Variants in TRDN observed in about 807,000 individuals in gnomAD.
TRDN encodes the protein triadin in skeletal muscle.
In TRDN, 161 loss-of-function variants were observed where a neutral mutation model predicts 149.7. The ratio of observed to expected loss-of-function variants is 1.08; its 90% confidence interval spans 0.95 to 1.23. TRDN has a LOEUF of 1.23. Among genes scored for constraint, TRDN ranks in the 50% most tolerant of loss-of-function variants. The probability of loss-of-function intolerance (pLI) is 0.00; values close to 1 mark genes in which losing one functional copy is unlikely to be tolerated. For synonymous variants in TRDN, 294 were observed against 250.5 expected, an observed-to-expected ratio of 1.17 and a Z score of -1.64; for missense variants, 896 against 823.5, an observed-to-expected ratio of 1.09 and a Z score of -1.08.
intron 8 of TRDN, chr6:123,501,770 C>A: frequency 1.3e-6 from 1 of 782,034 alleles, no homozygotes; most frequent in South Asian, 5.8e-5. Context: ...ATTTGAATGT[C>A]CTTTTAATAG....
rs1431875046 is a variant in TRDN, at chr6:123,558,112, C to G, written c.233-9500G>C. Among the ~76,000 whole-genome samples, 5 of 152,222 alleles carry G rather than the reference C, an allele frequency of 3.3e-5. No individual in the cohort carries two copies. The East Asian group carries it at 9.7e-4, about 30-fold the overall frequency. ...CAAACGGTCTGAGGTGCCTGACGTC[C>G]AGGCATTCTTTTACACATCGGTCCC... On this transcript the variant is annotated intron_variant, in intron 2 of 40. Coordinates refer to ENST00000334268, the MANE Select transcript of TRDN (RefSeq NM_006073.4).
At chr6:123,322,049 AC>A (rs1389034964) in intron 23 of TRDN, among the ~76,000 whole-genome samples, 1 of 152,120 alleles carries the variant, frequency 6.6e-6, no homozygotes, top group African/African-American at 2.4e-5. Context: ...TATTTTACTG[AC>A]TGTTTAACAT....
chr6:123,423,448 T>C (rs1353601853), intron 12 of TRDN, among the ~76,000 whole-genome samples: 2 of 152,142 alleles, frequency 1.3e-5, no homozygotes, highest in Non-Finnish European at 2.9e-5. Flanking sequence ...TTTCCTCCTA[T>C]AAGAAGTCGT....
intron 1 of TRDN, among the ~76,000 whole-genome samples, chr6:123,605,597 C>CAAAAAAAAA (rs35881822): frequency 1.6e-4 from 20 of 123,946 alleles, no homozygotes; most frequent in Non-Finnish European, 2.1e-4. Flanking sequence ...ACCCTCTCTA[C>CAAAAAAAAA]AAAAAAAAAA....
chr6:123,226,300 AC>A (rs1449604990), intron 38 of TRDN, among the ~76,000 whole-genome samples: 1 of 151,888 alleles, frequency 6.6e-6, no homozygotes, highest in Non-Finnish European at 1.5e-5. Flanking sequence ...CAGTTCCTAA[AC>A]AAATCAAATA....
At chr6:123,592,159 C>T (rs889498217) in intron 1 of TRDN, among the ~76,000 whole-genome samples, 2 of 152,164 alleles carry the variant, frequency 1.3e-5, no homozygotes, top group Admixed American at 1.3e-4. Context: ...CACTCATTGG[C>T]AACTAATAAA....
chr6:123,236,540 A>G (rs1775794888), intron 38 of TRDN, among the ~76,000 whole-genome samples: 1 of 152,138 alleles, frequency 6.6e-6, no homozygotes, highest in African/African-American at 2.4e-5. Context: ...TAGGTCTCAA[A>G]GATGTTTTCT....
chr6:123,584,396 C>T (rs202141676), intron 1 of TRDN, among the ~76,000 whole-genome samples: 3 of 112,162 alleles, frequency 2.7e-5, no homozygotes, highest in Non-Finnish European at 6.2e-5. Context: ...AGACATGATG[C>T]CTAGGCTAAA....
intron 24 of TRDN, among the ~76,000 whole-genome samples, chr6:123,303,689 G>T (rs887988158): frequency 6.6e-6 from 1 of 152,094 alleles, no homozygotes; most frequent in Non-Finnish European, 1.5e-5. Context: ...GTCTGTGTGG[G>T]CTTCTGGTGA....
At chr6:123,254,023 T>A (rs1776467126) in intron 37 of TRDN, among the ~76,000 whole-genome samples, 1 of 152,104 alleles carries the variant, frequency 6.6e-6, no homozygotes, top group East Asian at 1.9e-4. Context: ...TCTTGAGATG[T>A]TAGATTTTCT....
chr6:123,586,471 G>C (rs1783490876), intron 1 of TRDN, among the ~76,000 whole-genome samples: 1 of 152,120 alleles, frequency 6.6e-6, no homozygotes, highest in Non-Finnish European at 1.5e-5. Flanking sequence ...ATTGGGAACA[G>C]AGACTATAGA....
chr6:123,325,496 G>A (rs1779410196), intron 23 of TRDN, among the ~76,000 whole-genome samples: 1 of 152,068 alleles, frequency 6.6e-6, no homozygotes, highest in South Asian at 2.1e-4. Context: ...GAGTGAAGAT[G>A]ACATATGTGA....
chr6:123,494,571 T>G (rs1341836431), intron 9 of TRDN, among the ~76,000 whole-genome samples: 3 of 152,210 alleles, frequency 2.0e-5, no homozygotes, highest in African/African-American at 7.2e-5. Context: ...AAGAAAATAA[T>G]GCATGTTAGT....
chr6:123,595,345 T>A (rs533358855), intron 1 of TRDN, among the ~76,000 whole-genome samples: 21 of 152,148 alleles, frequency 1.4e-4, no homozygotes, highest in Non-Finnish European at 2.8e-4. Context: ...TCTGCAGTCA[T>A]ATCCTTCTCA....
intron 23 of TRDN, among the ~76,000 whole-genome samples, chr6:123,321,949 C>A (rs1779258228): frequency 6.6e-6 from 1 of 152,146 alleles, no homozygotes; most frequent in African/African-American, 2.4e-5. Flanking sequence ...ATTGTTCTAA[C>A]TTTGGGTGAG....
intron 38 of TRDN, among the ~76,000 whole-genome samples, chr6:123,237,243 A>G (rs1182237057): frequency 6.6e-6 from 1 of 151,890 alleles, no homozygotes; most frequent in Non-Finnish European, 1.5e-5. Context: ...TATTAACTTT[A>G]TACCCTACTA....
chr6:123,225,642 A>G (rs1775329153), intron 38 of TRDN, among the ~76,000 whole-genome samples: 1 of 151,740 alleles, frequency 6.6e-6, no homozygotes, highest in Admixed American at 6.6e-5. Context: ...ATATCAAAAT[A>G]TCACATTGTA....
chr6:123,576,462 T>C (rs1211336870), intron 1 of TRDN, among the ~76,000 whole-genome samples: 2 of 137,152 alleles, frequency 1.5e-5, no homozygotes, highest in Admixed American at 7.7e-5. Context: ...GGTTTTTCTT[T>C]TTTAATTTAT....
At chr6:123,336,818 A>G (rs1779888774) in intron 22 of TRDN, among the ~76,000 whole-genome samples, 1 of 150,976 alleles carries the variant, frequency 6.6e-6, no homozygotes, top group African/African-American at 2.4e-5. Flanking sequence ...TACATATATT[A>G]CACACACTTA....
Sources: allele counts gnomAD v4.1 joint callset (sites outside exome capture counted in the v4.1 genomes callset), GRCh38; gene constraint gnomAD v4.1.1; transcripts MANE v1.5; gene names NCBI Gene and HGNC (gene_info 2026-07-23, HGNC 2026-07-21).